The following LAMP3 variants were observed in gnomAD, a reference collection of about 807,000 sequenced individuals.
LAMP3 encodes lysosome-associated membrane glycoprotein 3.
Under a neutral mutation model 34.8 loss-of-function variants are expected in LAMP3, and 26 were observed. The observed-to-expected ratio is 0.75, with a 90% confidence interval of 0.55 to 1.04. The LOEUF (loss-of-function observed/expected upper bound fraction) is 1.04, where lower values mean the gene tolerates loss of function less well. Among genes scored for constraint, LAMP3 ranks in the 50% least tolerant of loss-of-function variants. The probability of loss-of-function intolerance (pLI) is 0.00; values close to 1 mark genes in which losing one functional copy is unlikely to be tolerated. For synonymous variants in LAMP3, 180 were observed against 201.9 expected (o/e 0.89, Z 0.92); for missense variants, 495 against 524.0 (o/e 0.94, Z 0.54).
chr3:183,152,345 G>T (rs1340992751), intron 3 of LAMP3, 30 bp downstream of exon 3: 1 of 1,574,630 alleles, frequency 6.4e-7, no homozygotes, highest in Non-Finnish European at 8.6e-7. Context: ...TGTACCAGAT[G>T]CAGTTTGTGC....
intron 5 of LAMP3, chr3:183,132,780 A>G: frequency 3.0e-6 from 3 of 985,446 alleles, no homozygotes; most frequent in Non-Finnish European, 3.6e-6. Context: ...GGAATTCCCA[A>G]GACCTTAACT....
intron 5 of LAMP3, among the ~76,000 whole-genome samples, chr3:183,133,659 ACT>A (rs1275073882): frequency 1.3e-5 from 2 of 152,104 alleles, no homozygotes; most frequent in African/African-American, 2.4e-5. Context: ...CCCAGTCCTA[ACT>A]CTGTGTTTCT....
At position 183,152,450 on chromosome 3, in the gene LAMP3, A is replaced by G; in HGVS notation, c.813T>C (p.Ser271=). The change falls in exon 3 of 6, where the codon TCT becomes TCC. Residue 271 remains serine, a synonymous_variant. Transcript: ENST00000265598. ...TGGATTTTCGGGTGCCACAGTTCCCAGAGGCTTGCGTTGCGTTGGGGTCGA... is the reference window on the plus strand; with the variant it reads ...TGGATTTTCGGGTGCCACAGTTCCCGGAGGCTTGCGTTGCGTTGGGGTCGA... ...FNIDPNATQA[S]GNCGTRKSNL... is the part of the protein sequence containing the mutation. The G allele has an allele frequency of 6.2e-7, 1 of 1,613,318 alleles. No individual in the cohort carries two copies. The highest frequency in any genetic ancestry group is 8.5e-7 in the Non-Finnish European group (1 of 1,179,704).
At chr3:183,132,104 C>G (rs200434787) in intron 5 of LAMP3, 17 of 985,220 alleles carry the variant, frequency 1.7e-5, no homozygotes, top group African/African-American at 1.7e-5. Flanking sequence ...CCGACAAACC[C>G]GGAAAAAAGT....
Position 183,153,796 on chromosome 3 carries a change from G to T in LAMP3, c.645C>A (p.Thr215=), listed in dbSNP as rs202015231. Residue 215 remains threonine, a synonymous_variant, in exon 2 of 6, where the codon ACC becomes ACA. Coordinates refer to ENST00000265598, the MANE Select transcript of LAMP3 (RefSeq NM_014398.4). The stretch of plus-strand genomic sequence containing the variant: ...TGACTGACGATGGCTGAGGTGCAAG[G>T]GTGGGCCCAGGAACCGTGGAGGCAG... The part of the protein sequence containing the change: ...AAPASTVPGP[T]LAPQPSSVKT... The T allele has an allele frequency of 6.3e-7, 1 of 1,589,906 alleles. No homozygotes were observed. The highest frequency in any genetic ancestry group is 2.2e-5 in the East Asian group (1 of 44,760).
chr3:183,153,729 TAC>T lies in LAMP3; in HGVS notation c.710_711del (p.Cys237TyrfsTer61), dbSNP rs758948905. The T allele has an allele frequency of 1.0e-5, 16 of 1,534,996 alleles. No homozygotes were observed. Among genetic ancestry groups the T allele is most frequent in the Non-Finnish European group, 1.3e-5 (15 of 1,143,352 alleles). On this transcript the variant is annotated frameshift_variant, in exon 2 of 6. Coordinates refer to ENST00000265598, the MANE Select transcript of LAMP3 (RefSeq NM_014398.4). LOFTEE classifies it high-confidence loss of function. ...AGCTGTATCCCCATCTCTGCTTTTA[TAC>T]AGAGTCTGCTTCCGTTTAGAACCTG... ...IYQVLNGSRLCIKAEMGIQLI... is the reference protein window; with the variant it reads ...IYQVLNGSRLXIKAEMGIQLI...
At chr3:183,145,913 A>G (rs1720426664) in intron 3 of LAMP3, among the ~76,000 whole-genome samples, 1 of 152,136 alleles carries the variant, frequency 6.6e-6, no homozygotes, top group Admixed American at 6.6e-5. Flanking sequence ...TATAGCCTAT[A>G]TTTCTGTTAT....
intron 1 of LAMP3, chr3:183,158,087 C>A (rs1489363067): frequency 6.6e-6 from 1 of 152,164 alleles, no homozygotes; most frequent in East Asian, 1.9e-4. Context: ...ATAGTTCTCA[C>A]CCCTTCTCCT....
At position 183,153,979 on chromosome 3, in the gene LAMP3, G is replaced by T; in HGVS notation, c.462C>A (p.His154Gln). Residue 154 changes from histidine to glutamine, a missense_variant, in exon 2 of 6, where the codon CAC becomes CAA. By Grantham distance (24) the His-to-Gln change is conservative. Coordinates refer to ENST00000265598, the MANE Select transcript of LAMP3 (RefSeq NM_014398.4). ...TTGTSSSTVS[H>Q]TTGNTTQPSN... ...TGGGTTGAGTGGTGTTCCCAGTTGT[G>T]TGGCTGACGGTTGATGAACTGGTTC... 1 of 1,614,190 alleles carries T rather than the reference G, an allele frequency of 6.2e-7. No individual in the cohort carries two copies.
At chr3:183,150,890 C>T (rs1005055153) in intron 3 of LAMP3, among the ~76,000 whole-genome samples, 1 of 152,096 alleles carries the variant, frequency 6.6e-6, no homozygotes, top group Non-Finnish European at 1.5e-5. Context: ...AGGGATAGAG[C>T]AGTTACTCTA....
At chr3:183,126,563 T>TCAC (rs1719785857) in intron 5 of LAMP3, among the ~76,000 whole-genome samples, 4 of 149,056 alleles carry the variant, frequency 2.7e-5, no homozygotes, top group Admixed American at 2.7e-4. Flanking sequence ...TGTGTGTGTG[T>TCAC]GCACACGTGT....
intron 4 of LAMP3, among the ~76,000 whole-genome samples, chr3:183,136,222 C>T (rs1195502903): frequency 2.0e-5 from 3 of 152,104 alleles, no homozygotes; most frequent in Non-Finnish European, 4.4e-5. Flanking sequence ...AGAGAGGCGC[C>T]TCCAAAATTT....
intron 5 of LAMP3, among the ~76,000 whole-genome samples, chr3:183,126,547 T>C (rs1170872983): frequency 2.6e-5 from 4 of 151,850 alleles, no homozygotes; most frequent in African/African-American, 4.8e-5. Context: ...TGTGTGTGTG[T>C]GTGTGTGTGT....
Position 183,123,637 on chromosome 3 carries a change from AAC to A in LAMP3, c.*442_*443del. 6.0e-6 allele frequency: 1 copy of A among 166,856 alleles called. No homozygotes were observed. The highest frequency in any genetic ancestry group is 1.3e-5 in the Non-Finnish European group (1 of 76,796). 10.3% of individuals were successfully genotyped at this position (166,856 alleles called of 1,614,324 possible). A position where few individuals can be genotyped will look rare whatever the true frequency, so the allele number is the denominator to read the frequency against. The stretch of plus-strand genomic sequence containing the variant: ...ATATGTATGTTACATGAAACCATAA[AAC>A]ACAGATAGTAAAAGCACTGAAAGTC... On this transcript the variant is annotated 3_prime_UTR_variant, in exon 6 of 6. Transcript: ENST00000265598.
intron 4 of LAMP3, among the ~76,000 whole-genome samples, chr3:183,136,647 G>A (rs1208915448): frequency 1.6e-4 from 10 of 63,080 alleles, no homozygotes; most frequent in African/African-American, 2.9e-4. Context: ...GTGAAACTCC[G>A]TTTCAGAAAA....
chr3:183,161,476 C>T (rs886193085), intron 1 of LAMP3, among the ~76,000 whole-genome samples: 7 of 151,988 alleles, frequency 4.6e-5, no homozygotes, highest in East Asian at 1.9e-4. Flanking sequence ...CTGCAACCTC[C>T]GCCTCTTGGG....
At chr3:183,127,429 C>T (rs1397078424) in intron 5 of LAMP3, among the ~76,000 whole-genome samples, 1 of 152,120 alleles carries the variant, frequency 6.6e-6, no homozygotes, top group African/African-American at 2.4e-5. Context: ...GCCCAGACAA[C>T]TCCAAATTTT....
Position 183,124,117 on chromosome 3 carries a change from G to A in LAMP3, c.1215C>T (p.Arg405=). Reference sequence around the variant, plus strand: ...GGTATCCAGATGATTGACACCTTAGGCGGATTTTATAGACACCCATACCCA... The same window carrying A: ...GGTATCCAGATGATTGACACCTTAGACGGATTTTATAGACACCCATACCCA... ...CLMGMGVYKI[R]LRCQSSGYQR... The change falls in exon 6 of 6, where the codon CGC becomes CGT. Residue 405 remains arginine, a synonymous_variant. Transcript: ENST00000265598. 6.2e-7 allele frequency: 1 copy of A among 1,614,004 alleles called. No homozygotes were observed. The highest frequency in any genetic ancestry group is 8.5e-7 in the Non-Finnish European group (1 of 1,179,996).
intron 3 of LAMP3, among the ~76,000 whole-genome samples, chr3:183,145,290 A>G (rs1050089568): frequency 2.0e-5 from 3 of 152,064 alleles, no homozygotes; most frequent in Non-Finnish European, 4.4e-5. Flanking sequence ...GAAAAAAAGA[A>G]AGGAAATCCA....
Sources: allele counts gnomAD v4.1 joint callset (sites outside exome capture counted in the v4.1 genomes callset), GRCh38; gene constraint gnomAD v4.1.1; transcripts MANE v1.5; gene names NCBI Gene and HGNC (gene_info 2026-07-23, HGNC 2026-07-21).